The following DPF3 variants were observed in gnomAD, a reference collection of about 807,000 sequenced individuals.
DPF3 encodes the protein zinc finger protein DPF3.
In DPF3, 18 loss-of-function variants were observed where a neutral mutation model predicts 56.8. The observed-to-expected ratio is 0.32, with a 90% CI of 0.22 to 0.47. The LOEUF is 0.47. Among genes scored for constraint, DPF3 ranks in the 20% least tolerant of loss-of-function variants. DPF3 has a pLI of 1.00. For synonymous variants in DPF3, 188 were observed against 180.2 expected (o/e 1.04, Z -0.35); for missense variants, 403 against 488.8 (o/e 0.82, Z 1.65).
intron 3 of DPF3, among the ~76,000 whole-genome samples, chr14:72,747,625 CA>C (rs1030427221): frequency 0.029 from 2,210 of 77,480 alleles, 41 homozygotes; most frequent in African/African-American, 0.089. Context: ...CCCGTCTCTA[CA>C]AAAAAAAAAA....
chr14:72,827,164 G>A (rs894327850), intron 1 of DPF3, among the ~76,000 whole-genome samples: 2 of 151,864 alleles, frequency 1.3e-5, no homozygotes, highest in South Asian at 2.1e-4. Context: ...GCCATGTTCC[G>A]CTTGGGGTGG....
chr14:72,835,233 A>C (rs996825146), intron 1 of DPF3, among the ~76,000 whole-genome samples: 1 of 151,942 alleles, frequency 6.6e-6, no homozygotes, highest in Admixed American at 6.6e-5. Flanking sequence ...ATGCCCCGCT[A>C]ATGTTTGTAT....
At chr14:72,673,901 C>T (rs1484829182) in intron 8 of DPF3, 6 of 239,928 alleles carry the variant, frequency 2.5e-5, no homozygotes, top group South Asian at 1.6e-4. Context: ...ACATGTGCAT[C>T]ATCCACTACA....
chr14:72,636,707 A>G (rs769263090), intron 8 of DPF3, among the ~76,000 whole-genome samples: 5 of 152,228 alleles, frequency 3.3e-5, no homozygotes, highest in Admixed American at 2.6e-4. Context: ...ACCTTCTGCA[A>G]AGGTCTGCAG....
intron 2 of DPF3, among the ~76,000 whole-genome samples, chr14:72,765,676 G>A (rs890645308): frequency 1.6e-4 from 25 of 152,334 alleles, no homozygotes; most frequent in South Asian, 8.3e-4. Flanking sequence ...GGCCGGGTGC[G>A]GTGGCTCACG....
chr14:72,686,757 G>A (rs1567200313), intron 7 of DPF3, among the ~76,000 whole-genome samples: 1 of 152,224 alleles, frequency 6.6e-6, no homozygotes. Flanking sequence ...AAAGAGCTCT[G>A]TATCTAAACT....
In DPF3 at chr14:72,609,145, C is replaced by A. The variant is rs1883579006; in HGVS notation, c.*10152G>T. Among the ~76,000 whole-genome samples, 1 of 152,186 alleles carries A rather than the reference C, an allele frequency of 6.6e-6. No homozygotes were observed. The highest frequency in any genetic ancestry group is 6.5e-5 in the Admixed American group (1 of 15,284). ...TCACAGAACAAGATACTAACCACAGCAAGGAAGGGGTAGGGGCTTGTGACT... is the reference window on the plus strand; with the variant it reads ...TCACAGAACAAGATACTAACCACAGAAAGGAAGGGGTAGGGGCTTGTGACT... On this transcript the variant is annotated 3_prime_UTR_variant, in exon 11 of 11. Coordinates refer to ENST00000556509, the MANE Select transcript of DPF3 (RefSeq NM_001280542.3).
intron 9 of DPF3, among the ~76,000 whole-genome samples, chr14:72,629,204 G>A (rs956618822): frequency 1.3e-5 from 2 of 152,140 alleles, no homozygotes; most frequent in African/African-American, 2.4e-5. Context: ...ATATTATGAC[G>A]GAGACTATGG....
chr14:72,892,971 G>C (rs371911997), intron 1 of DPF3, among the ~76,000 whole-genome samples: 1 of 112,804 alleles, frequency 8.9e-6, no homozygotes, highest in East Asian at 3.3e-4. Flanking sequence ...AAGGAAGGAA[G>C]GAAGGAAGGA....
chr14:72,714,290 G>T, intron 6 of DPF3, 133 bp downstream of exon 6: 2 of 1,133,000 alleles, frequency 1.8e-6, no homozygotes, highest in Non-Finnish European at 2.5e-6. Flanking sequence ...AGGCGAGTAA[G>T]CTGGGGTGCA....
chr14:72,641,651 A>C (rs1885568536), intron 8 of DPF3, among the ~76,000 whole-genome samples: 1 of 152,238 alleles, frequency 6.6e-6, no homozygotes, highest in African/African-American at 2.4e-5. Context: ...ACTGGGAGCC[A>C]AACGGAATGG....
At chr14:72,776,404 A>C (rs2052145) in intron 1 of DPF3, among the ~76,000 whole-genome samples, 118,180 of 151,962 alleles carry the variant, frequency 0.78, 47,640 homozygotes, top group Non-Finnish European at 0.9. Flanking sequence ...TGATGGAGGT[A>C]CTTCTGTGAT....
intron 3 of DPF3, among the ~76,000 whole-genome samples, chr14:72,753,054 A>T (rs1433891069): frequency 6.6e-6 from 1 of 152,172 alleles, no homozygotes; most frequent in East Asian, 1.9e-4. Flanking sequence ...GGCATGAGAC[A>T]CCCAGAGGGG....
In DPF3 at chr14:72,699,984, C is replaced by T. The variant is rs1888088475; in HGVS notation, c.605-6771G>A. On this transcript the variant is annotated intron_variant, in intron 6 of 10. Coordinates refer to ENST00000556509, the MANE Select transcript of DPF3 (RefSeq NM_001280542.3). Reference sequence around the variant, plus strand: ...TGGTGGGTGGAGGGGAGCTTAGGATCAGGGCAGACCAGGGTGGAGCCTGTG... The same window carrying T: ...TGGTGGGTGGAGGGGAGCTTAGGATTAGGGCAGACCAGGGTGGAGCCTGTG... Among the ~76,000 whole-genome samples the T allele has an allele frequency of 2.6e-5, 4 of 152,146 alleles. No homozygotes were observed. The South Asian group carries it at 8.3e-4, about 32-fold the overall frequency.
intron 6 of DPF3, among the ~76,000 whole-genome samples, chr14:72,694,411 A>C (rs766204979): frequency 7.9e-5 from 12 of 152,258 alleles, no homozygotes; most frequent in Non-Finnish European, 1.6e-4. Context: ...TAAATGCTTC[A>C]CAAGGTGGGA....
chr14:72,665,651 A>G (rs1352837733), intron 8 of DPF3, among the ~76,000 whole-genome samples: 7 of 152,236 alleles, frequency 4.6e-5, no homozygotes, highest in African/African-American at 7.2e-5. Flanking sequence ...TGTAGTACTA[A>G]CTATTCCAGA....
chr14:72,701,541 G>C (rs1888161443), intron 6 of DPF3, among the ~76,000 whole-genome samples: 1 of 152,196 alleles, frequency 6.6e-6, no homozygotes, highest in Non-Finnish European at 1.5e-5. Flanking sequence ...CTCCTAGTCT[G>C]GGCGGGGGTC....
intron 8 of DPF3, 30 bp downstream of exon 8, chr14:72,674,210 G>A (rs1187770195): frequency 1.9e-5 from 30 of 1,603,336 alleles, no homozygotes; most frequent in Non-Finnish European, 2.0e-5. Flanking sequence ...TGGTCTACGG[G>A]CACCCGGTGT....
At chr14:72,623,633 GA>G (rs778757518) in intron 9 of DPF3, among the ~76,000 whole-genome samples, 1 of 152,210 alleles carries the variant, frequency 6.6e-6, no homozygotes, top group Non-Finnish European at 1.5e-5. Context: ...AAAGAAAATA[GA>G]AATGTAGGCC....
Sources: allele counts gnomAD v4.1 joint callset (sites outside exome capture counted in the v4.1 genomes callset), GRCh38; gene constraint gnomAD v4.1.1; transcripts MANE v1.5; gene names NCBI Gene and HGNC (gene_info 2026-07-23, HGNC 2026-07-21).